Variants in PEDS1 observed in about 807,000 individuals in gnomAD.
PEDS1 encodes CarF homolog.
In PEDS1, 14 loss-of-function variants were observed where a neutral mutation model predicts 35.2. The ratio of observed to expected loss-of-function variants is 0.40; its 90% CI spans 0.26 to 0.62. PEDS1 has a LOEUF of 0.62. Ranked by LOEUF, PEDS1 falls within the 20% of genes least tolerant of loss-of-function variation. PEDS1 has a pLI of 0.44. For synonymous variants in PEDS1, 152 were observed against 152.0 expected, an observed-to-expected ratio of 1.00 and a Z score of 0.00; for missense variants, 260 against 367.8, an observed-to-expected ratio of 0.71 and a Z score of 2.40.
At chr20:50,126,570 T>G (rs2081107104) in intron 5 of PEDS1, among the ~76,000 whole-genome samples, 1 of 152,182 alleles carries the variant, frequency 6.6e-6, no homozygotes, top group Non-Finnish European at 1.5e-5. Context: ...ACTATGGCCC[T>G]AAGAAGGTGA....
At chr20:50,130,079 A>C (rs2081158635) in intron 3 of PEDS1, among the ~76,000 whole-genome samples, 2 of 152,152 alleles carry the variant, frequency 1.3e-5, no homozygotes, top group African/African-American at 4.8e-5. Flanking sequence ...TCCCCTCCTT[A>C]GTCCAGGCTC....
At chr20:50,130,189 C>T (rs2081161459) in intron 3 of PEDS1, among the ~76,000 whole-genome samples, 1 of 152,180 alleles carries the variant, frequency 6.6e-6, no homozygotes, top group African/African-American at 2.4e-5. Flanking sequence ...TGCCTGAGGG[C>T]CCAGCACGTG....
At chr20:50,141,827 T>G (rs747301706) in intron 2 of PEDS1, among the ~76,000 whole-genome samples, 2 of 152,080 alleles carry the variant, frequency 1.3e-5, no homozygotes, top group Non-Finnish European at 2.9e-5. Context: ...CCGGCCCCCG[T>G]CCCCAGCATA....
At chr20:50,132,050 A>G (rs2081185989) in intron 2 of PEDS1, among the ~76,000 whole-genome samples, 1 of 152,138 alleles carries the variant, frequency 6.6e-6, no homozygotes, top group Non-Finnish European at 1.5e-5. Flanking sequence ...CTAAAAATAC[A>G]AAAATTAGCC....
chr20:50,124,739 G>A lies in PEDS1; in HGVS notation c.*319C>T. 1 of 274,008 alleles carries A rather than the reference G, an allele frequency of 3.6e-6. No individual in the cohort carries two copies. Among genetic ancestry groups the A allele is most frequent in the Non-Finnish European group, 7.2e-6 (1 of 138,394 alleles). The allele number at this position is 274,008 out of a possible 1,614,324, so 17.0% of individuals were successfully genotyped here. On this transcript the variant is annotated 3_prime_UTR_variant, in exon 6 of 6. Coordinates refer to ENST00000371652, the MANE Select transcript of PEDS1 (RefSeq NM_199129.4). ...GGCCCCAACGCCAGCCACACTGAAG[G>A]GCTGCCCAGCGGGGCAGGGACGGCA... is the stretch of plus-strand genomic sequence containing the variant.
chr20:50,143,279 T>C (rs772957749), intron 2 of PEDS1, among the ~76,000 whole-genome samples: 2 of 152,092 alleles, frequency 1.3e-5, no homozygotes, highest in Non-Finnish European at 2.9e-5. Flanking sequence ...GGATGTGCAA[T>C]GCAAGAGGAA....
intron 2 of PEDS1, among the ~76,000 whole-genome samples, chr20:50,134,483 G>A (rs2081211880): frequency 6.6e-6 from 1 of 152,194 alleles, no homozygotes; most frequent in Non-Finnish European, 1.5e-5. Context: ...GGAGGCGGAG[G>A]TTGCGGTGAG....
rs1329680333 is a variant in PEDS1, at chr20:50,121,558, TAGC to T, written c.*3497_*3499del. 6.6e-6 allele frequency: 1 copy of T among 152,192 alleles called. No homozygotes were observed. The highest frequency in any genetic ancestry group is 6.5e-5 in the Admixed American group (1 of 15,282). The allele number at this position is 152,192 out of a possible 1,614,324, so 9.4% of individuals were successfully genotyped here. ...AAGTTAAGTGCTCAGTAATATTAAG[TAGC>T]ATTTTCCCCTGTCTGGCCCTCATAG... On this transcript the variant is annotated 3_prime_UTR_variant, in exon 6 of 6. Transcript: ENST00000371652.
At chr20:50,138,884 A>C (rs1224209506) in intron 2 of PEDS1, among the ~76,000 whole-genome samples, 1 of 152,064 alleles carries the variant, frequency 6.6e-6, no homozygotes, top group Non-Finnish European at 1.5e-5. Flanking sequence ...GGCTACCCTG[A>C]CTCACGGGGG....
chr20:50,145,510 C>T (rs1053554567), intron 1 of PEDS1, among the ~76,000 whole-genome samples: 6 of 152,174 alleles, frequency 3.9e-5, no homozygotes, highest in African/African-American at 1.2e-4. Flanking sequence ...GCCAGGCCAA[C>T]GTGGCGAAAC....
In PEDS1 at chr20:50,119,393, A is replaced by C. The variant is rs2081032822; in HGVS notation, c.*5665T>G. 1 of 147,022 alleles carries C rather than the reference A, an allele frequency of 6.8e-6. No homozygotes were observed. The highest frequency in any genetic ancestry group is 1.5e-5 in the Non-Finnish European group (1 of 67,346). The allele number at this position is 147,022 out of a possible 1,614,324, so 9.1% of individuals were successfully genotyped here. On this transcript the variant is annotated 3_prime_UTR_variant, in exon 6 of 6. Coordinates refer to ENST00000371652, the MANE Select transcript of PEDS1 (RefSeq NM_199129.4). ...AGAGGCTGTAGTGAGCTGGGATTGC[A>C]CCACTGCACTCTAGCCCAGGTAATA... is the stretch of plus-strand genomic sequence containing the variant.
At chr20:50,144,538 G>A (rs187879421) in intron 1 of PEDS1, among the ~76,000 whole-genome samples, 1 of 152,326 alleles carries the variant, frequency 6.6e-6, no homozygotes, top group East Asian at 1.9e-4. Context: ...TCAGGCTTTG[G>A]GTGTGCAATC....
rs781062267 is a variant in PEDS1 at position 50,125,124 on chromosome 20, G to A, written c.747C>T (p.Leu249=). 2 of 1,614,082 alleles carry A rather than the reference G, an allele frequency of 1.2e-6. No homozygotes were observed. Residue 249 remains leucine, a synonymous_variant, in exon 6 of 6, where the codon CTC becomes CTT. Transcript: ENST00000371652. The part of the protein sequence containing the change: ...KIGFWRRLED[L]IQGLTGEKPR... ...GCTTCTCGCCCGTCAGGCCCTGGATGAGGTCCTCCAGGCGTCGCCAGAAGC... is the reference window on the plus strand; with the variant it reads ...GCTTCTCGCCCGTCAGGCCCTGGATAAGGTCCTCCAGGCGTCGCCAGAAGC...
In PEDS1 at chr20:50,123,221, C is replaced by T. The variant is rs573869318; in HGVS notation, c.*1837G>A. 3.3e-5 allele frequency: 5 copies of T among 152,182 alleles called. No individual in the cohort carries two copies. The highest frequency in any genetic ancestry group is 9.6e-5 in the African/African-American group (4 of 41,528). The allele number at this position is 152,182 out of a possible 1,614,324, so 9.4% of individuals were successfully genotyped here. A position where few individuals can be genotyped will look rare whatever the true frequency, so the allele number is the denominator to read the frequency against. On this transcript the variant is annotated 3_prime_UTR_variant, in exon 6 of 6. Transcript: ENST00000371652. ...CCATTTTTCCTTAGCTCACTCTAGT[C>T]CAGCCACAGTGGCTGCCTCACCATC...
intron 1 of PEDS1, among the ~76,000 whole-genome samples, chr20:50,147,257 C>T (rs898204113): frequency 2.0e-5 from 3 of 152,192 alleles, no homozygotes; most frequent in South Asian, 2.1e-4. Flanking sequence ...TTGAAAATCA[C>T]GTAAAATTCC....
At chr20:50,148,550 A>G (rs1425208288) in intron 1 of PEDS1, among the ~76,000 whole-genome samples, 3 of 152,208 alleles carry the variant, frequency 2.0e-5, no homozygotes, top group African/African-American at 7.2e-5. Flanking sequence ...ATGGGGAGCT[A>G]GGAAGAGCAG....
intron 1 of PEDS1, among the ~76,000 whole-genome samples, chr20:50,152,445 G>C: frequency 6.6e-6 from 1 of 152,060 alleles, no homozygotes; most frequent in East Asian, 1.9e-4. Flanking sequence ...GTGCCTCCCA[G>C]TCACCTGAAC....
At chr20:50,137,321 G>A (rs1001700842) in intron 2 of PEDS1, among the ~76,000 whole-genome samples, 4 of 152,300 alleles carry the variant, frequency 2.6e-5, no homozygotes, top group Non-Finnish European at 2.9e-5. Context: ...GATGACAGGC[G>A]TGAGCCACCG....
intron 1 of PEDS1, among the ~76,000 whole-genome samples, chr20:50,153,191 T>C (rs891623669): frequency 9.9e-5 from 15 of 151,646 alleles, no homozygotes; most frequent in African/African-American, 3.2e-4. Flanking sequence ...GGGTTCTAAG[T>C]CTAGGAGCAC....
Sources: allele counts gnomAD v4.1 joint callset (sites outside exome capture counted in the v4.1 genomes callset), GRCh38; gene constraint gnomAD v4.1.1; transcripts MANE v1.5; gene names NCBI Gene and HGNC (gene_info 2026-07-23, HGNC 2026-07-21).